FANCB: variants seen among roughly 807,000 people sequenced by gnomAD.
FANCB encodes the protein Fanconi anemia group B protein.
A neutral mutation model predicts 38.9 loss-of-function variants in FANCB; 5 were observed. The ratio of observed to expected loss-of-function variants is 0.13; its 90% CI spans 0.07 to 0.27. The LOEUF (loss-of-function observed/expected upper bound fraction) is 0.27, where lower values mean the gene tolerates loss of function less well. FANCB is among the 10% of genes least tolerant of loss of function. The pLI, the probability that FANCB is intolerant of heterozygous loss-of-function variation, is 1.00. For synonymous variants in FANCB, 236 were observed against 215.4 expected, an observed-to-expected ratio of 1.10 and a Z score of -0.84; for missense variants, 573 against 602.7, an observed-to-expected ratio of 0.95 and a Z score of 0.52.
chrX:14,712,690 G>A, the FANCB span, among the ~76,000 whole-genome samples: 1 of 106,881 alleles, frequency 9.4e-6, no homozygotes, highest in South Asian at 4.2e-4. Flanking sequence ...AACTGGGGGG[G>A]TTAAGGTCTA....
chrX:14,792,292 A>C, the FANCB span, among the ~76,000 whole-genome samples: 1 of 111,345 alleles, frequency 9.0e-6, no homozygotes, highest in Middle Eastern at 4.6e-3. Context: ...ATTTTTTTCA[A>C]GATGCTGAAT....
At chrX:14,761,568 G>A in the FANCB span, among the ~76,000 whole-genome samples, 3,020 of 111,080 alleles carry the variant, frequency 0.027, 99 homozygotes, top group African/African-American at 0.094. Context: ...GAAGTAGATG[G>A]CAGTGTTACC....
chrX:14,855,365 G>C (rs1485309177), intron 5 of FANCB, among the ~76,000 whole-genome samples: 1 of 112,035 alleles, frequency 8.9e-6, no homozygotes, highest in African/African-American at 3.2e-5. Context: ...CCAGCATTTA[G>C]AACTTTATTA....
In FANCB at chrX:14,843,453, T is replaced by C; in HGVS notation, c.*114A>G. The C allele has an allele frequency of 1.9e-6, 1 of 513,630 alleles. No individual in the cohort carries two copies. Among genetic ancestry groups the C allele is most frequent in the Non-Finnish European group, 3.1e-6 (1 of 317,712 alleles). The allele number at this position is 513,630 out of a possible 1,213,427, so 42.3% of individuals were successfully genotyped here. A position where few individuals can be genotyped will look rare whatever the true frequency, so the allele number is the denominator to read the frequency against. ...TGTGCATCATCAAAACTAAAGTTTC[T>C]ACTACAGTAAGCCTCGGTGTTTATT... On this transcript the variant is annotated 3_prime_UTR_variant, in exon 10 of 10. Coordinates refer to ENST00000650831, the MANE Select transcript of FANCB (RefSeq NM_001018113.3).
At chrX:14,810,192 T>G in the FANCB span, among the ~76,000 whole-genome samples, 1 of 110,760 alleles carries the variant, frequency 9.0e-6, no homozygotes, top group East Asian at 2.8e-4. Context: ...AGACCAAAAG[T>G]AGATAAAACC....
chrX:14,871,959 A>T (rs1370394000), intron 1 of FANCB, among the ~76,000 whole-genome samples: 1 of 110,921 alleles, frequency 9.0e-6, no homozygotes, highest in African/African-American at 3.3e-5. Flanking sequence ...AACTGAGGCA[A>T]GGAGTTTCAG....
chrX:14,773,889 A>T, the FANCB span, among the ~76,000 whole-genome samples: 1 of 111,366 alleles, frequency 9.0e-6, no homozygotes, highest in African/African-American at 3.3e-5. Flanking sequence ...CCCGGGGAAG[A>T]GTCTTAATTT....
intron 1 of FANCB, among the ~76,000 whole-genome samples, chrX:14,870,596 T>C (rs1464818820): frequency 1.8e-5 from 2 of 112,166 alleles, no homozygotes; most frequent in African/African-American, 6.5e-5. Context: ...GATGTGTGTG[T>C]ATACTAGAAA....
chrX:14,705,102 CAG>C, the FANCB span, among the ~76,000 whole-genome samples: 5 of 112,047 alleles, frequency 4.5e-5, no homozygotes, highest in Non-Finnish European at 9.4e-5. Context: ...GTAAATGAAA[CAG>C]AGATTAAATA....
the FANCB span, among the ~76,000 whole-genome samples, chrX:14,725,187 A>G: frequency 8.9e-6 from 1 of 112,077 alleles, no homozygotes; most frequent in Admixed American, 9.5e-5. Context: ...TGAATGGTAC[A>G]GACTCTTAAT....
At chrX:14,751,307 T>G in the FANCB span, among the ~76,000 whole-genome samples, 1 of 112,725 alleles carries the variant, frequency 8.9e-6, no homozygotes, top group Non-Finnish European at 1.9e-5. Flanking sequence ...CTACACAGCA[T>G]GAAAATGAAC....
At chrX:14,769,959 C>T in the FANCB span, among the ~76,000 whole-genome samples, 1 of 111,963 alleles carries the variant, frequency 8.9e-6, no homozygotes, top group African/African-American at 3.2e-5. Context: ...GTAGATGTGT[C>T]GTTTTGAGTA....
chrX:14,756,655 A>C, the FANCB span, among the ~76,000 whole-genome samples: 1 of 111,629 alleles, frequency 9.0e-6, no homozygotes, highest in South Asian at 3.8e-4. Context: ...CCTGTTACCC[A>C]ATAAATATGA....
At chrX:14,780,247 T>A in the FANCB span, among the ~76,000 whole-genome samples, 1 of 111,202 alleles carries the variant, frequency 9.0e-6, no homozygotes, top group Non-Finnish European at 1.9e-5. Context: ...GGTCGTTTTT[T>A]ATTTGTTTAT....
the FANCB span, among the ~76,000 whole-genome samples, chrX:14,732,146 G>A: frequency 3.6e-5 from 4 of 110,043 alleles, no homozygotes; most frequent in African/African-American, 6.6e-5. Flanking sequence ...TTGTTTTTCT[G>A]TTCCTGTGTT....
chrX:14,842,838 A>C (rs940962710), downstream of FANCB, among the ~76,000 whole-genome samples: 1 of 111,912 alleles, frequency 8.9e-6, no homozygotes, highest in African/African-American at 3.2e-5. Flanking sequence ...TGCTTTTCTG[A>C]AAAATGCCTT....
the FANCB span, among the ~76,000 whole-genome samples, chrX:14,708,890 C>A: frequency 1.8e-5 from 2 of 110,188 alleles, no homozygotes; most frequent in Middle Eastern, 4.6e-3. Flanking sequence ...GAGCCGAGAT[C>A]GCGCCATTGC....
the FANCB span, among the ~76,000 whole-genome samples, chrX:14,721,760 C>T: frequency 9.0e-6 from 1 of 111,600 alleles, no homozygotes; most frequent in Non-Finnish European, 1.9e-5. Flanking sequence ...TCTACTTGGA[C>T]ACTTAATGGC....
At chrX:14,757,410 A>G in the FANCB span, among the ~76,000 whole-genome samples, 1 of 111,951 alleles carries the variant, frequency 8.9e-6, no homozygotes, top group Non-Finnish European at 1.9e-5. Context: ...TTTTGCTCCA[A>G]GAACTACCAC....
Sources: gnomAD v4.1 joint callset for allele counts (sites outside exome capture counted in the v4.1 genomes callset) on GRCh38, gnomAD v4.1.1 for gene constraint, MANE v1.5 for transcripts, NCBI Gene and HGNC (gene_info 2026-07-23, HGNC 2026-07-21) for gene names.